The following KCND3 variants were observed in gnomAD, a reference collection of about 807,000 sequenced individuals.
KCND3 encodes potassium voltage-gated channel subfamily D member 3, also known as A-type voltage-gated potassium channel KCND3.
KCND3 carries 9 observed loss-of-function variants against 51.1 expected under a neutral mutation model. The observed-to-expected ratio is 0.18, with a 90% confidence interval of 0.11 to 0.31. The LOEUF (loss-of-function observed/expected upper bound fraction) is 0.31. Among genes scored for constraint, KCND3 ranks in the 10% least tolerant of loss-of-function variants. The pLI is 1.00. For synonymous variants in KCND3, 349 were observed against 368.0 expected (o/e 0.95, Z 0.59); for missense variants, 526 against 903.8 (o/e 0.58, Z 5.36).
At position 111,777,316 on chromosome 1, in the gene KCND3, G is replaced by T. The variant is rs114178167; in HGVS notation, c.1519-43C>A. 1.7e-3 allele frequency: 2,737 copies of T among 1,603,992 alleles called. 27 individuals are homozygous for T. In the African/African-American group the frequency reaches 0.033, roughly 19 times the overall value. On this transcript the variant is annotated intron_variant, in intron 6 of 7. Transcript: ENST00000302127. ...AGAAGAAGTAGGAAAAGGAGGTAGGGAGGAGAGAGGTAAGCCCCTATACTC... is the reference window on the plus strand; with the variant it reads ...AGAAGAAGTAGGAAAAGGAGGTAGGTAGGAGAGAGGTAAGCCCCTATACTC...
intron 2 of KCND3, among the ~76,000 whole-genome samples, chr1:111,838,340 TATGG>T (rs1667162693): frequency 6.6e-6 from 1 of 152,240 alleles, no homozygotes; most frequent in Non-Finnish European, 1.5e-5. Context: ...AGGTATGTGC[TATGG>T]ATGCCTCCAT....
intron 2 of KCND3, among the ~76,000 whole-genome samples, chr1:111,867,521 C>T (rs1387151629): frequency 6.6e-6 from 1 of 152,186 alleles, no homozygotes; most frequent in Non-Finnish European, 1.5e-5. Flanking sequence ...GCTTTTAGAG[C>T]ATCCCTTTCC....
At chr1:111,816,863 C>T (rs1666112703) in intron 2 of KCND3, among the ~76,000 whole-genome samples, 1 of 152,222 alleles carries the variant, frequency 6.6e-6, no homozygotes, top group Middle Eastern at 3.2e-3. Context: ...ATCCCAACTA[C>T]ATGCACTCAC....
chr1:111,810,219 T>C (rs1665787595), intron 2 of KCND3, among the ~76,000 whole-genome samples: 1 of 152,238 alleles, frequency 6.6e-6, no homozygotes. Flanking sequence ...TTCTGGCTTT[T>C]ATGTCCCTTC....
intron 2 of KCND3, among the ~76,000 whole-genome samples, chr1:111,824,261 A>G (rs1248608609): frequency 6.6e-6 from 1 of 152,222 alleles, no homozygotes; most frequent in Non-Finnish European, 1.5e-5. Context: ...AAGGGCCGGT[A>G]GTTGAAGCAG....
intron 2 of KCND3, among the ~76,000 whole-genome samples, chr1:111,881,138 T>G (rs1669287315): frequency 6.6e-6 from 1 of 152,216 alleles, no homozygotes; most frequent in African/African-American, 2.4e-5. Flanking sequence ...GTTGAGGACA[T>G]TACATATTTG....
chr1:111,871,965 G>C (rs1398084528), intron 2 of KCND3, among the ~76,000 whole-genome samples: 1 of 152,124 alleles, frequency 6.6e-6, no homozygotes, highest in Non-Finnish European at 1.5e-5. Flanking sequence ...CTGGATTTGG[G>C]GCCTGAGAAA....
intron 2 of KCND3, among the ~76,000 whole-genome samples, chr1:111,966,868 T>C (rs1419447307): frequency 6.6e-6 from 1 of 152,128 alleles, no homozygotes; most frequent in Non-Finnish European, 1.5e-5. Context: ...TCATGGGGCA[T>C]GGTTGCTCAT....
rs1318670 is a variant in KCND3, at chr1:111,835,021, G to A, written c.1107-47915C>T. 0.54 allele frequency among the ~76,000 whole-genome samples: 82,367 copies of A among 152,050 alleles called. 22,798 individuals are homozygous for A. Among genetic ancestry groups the A allele is most frequent in the Non-Finnish European group, 0.6 (40,951 of 67,964 alleles). ...CCTGGATCCCTGGGGCTTGGAGGGTGCTCAGTGCCTCTAAGAGTTAAGCTG... is the reference window on the plus strand; with the variant it reads ...CCTGGATCCCTGGGGCTTGGAGGGTACTCAGTGCCTCTAAGAGTTAAGCTG... On this transcript the variant is annotated intron_variant, in intron 2 of 7. Coordinates refer to ENST00000302127, the MANE Select transcript of KCND3 (RefSeq NM_001378969.1).
rs547757538 is a variant in KCND3, at chr1:111,880,882, G to A, written c.1107-93776C>T. Reference sequence around the variant, plus strand: ...TTATTCCAAATGTAAAGAATGAACCGTTTTTTTTAATAAAGGAAGCTCTCG... The same window carrying A: ...TTATTCCAAATGTAAAGAATGAACCATTTTTTTTAATAAAGGAAGCTCTCG... On this transcript the variant is annotated intron_variant, in intron 2 of 7. Transcript: ENST00000302127. Among the ~76,000 whole-genome samples the A allele has an allele frequency of 3.3e-5, 5 of 151,848 alleles. No individual in the cohort carries two copies. In the East Asian group the frequency reaches 5.8e-4, roughly 18 times the overall value.
At chr1:111,933,442 A>AG (rs988381525) in intron 2 of KCND3, among the ~76,000 whole-genome samples, 3 of 152,236 alleles carry the variant, frequency 2.0e-5, no homozygotes, top group Non-Finnish European at 4.4e-5. Context: ...CAGAGTCCAG[A>AG]GAAAAACTTA....
At chr1:111,926,795 C>T (rs750834975) in intron 2 of KCND3, among the ~76,000 whole-genome samples, 2 of 152,264 alleles carry the variant, frequency 1.3e-5, no homozygotes, top group African/African-American at 4.8e-5. Context: ...GGCAGCTGCG[C>T]GCACCTCACT....
At chr1:111,940,762 G>A (rs2101885075) in intron 2 of KCND3, among the ~76,000 whole-genome samples, 1 of 152,224 alleles carries the variant, frequency 6.6e-6, no homozygotes, top group Non-Finnish European at 1.5e-5. Context: ...AAGTGCCAAC[G>A]GTCCACTGCA....
At chr1:111,909,611 A>T (rs1214641017) in intron 2 of KCND3, 3 of 152,148 alleles carry the variant, frequency 2.0e-5, no homozygotes, top group African/African-American at 7.2e-5. Context: ...AGATTATAGA[A>T]CCTAGTGTCA....
At chr1:111,849,151 T>C (rs1265205068) in intron 2 of KCND3, among the ~76,000 whole-genome samples, 1 of 152,190 alleles carries the variant, frequency 6.6e-6, no homozygotes, top group African/African-American at 2.4e-5. Context: ...TGGTGGTGTA[T>C]TGATTGGGCC....
In KCND3 at chr1:111,780,695, G is replaced by T. The variant is rs1664340423; in HGVS notation, c.1366C>A (p.Leu456Met). The change falls in exon 4 of 8, where the codon CTG (leucine) becomes ATG (methionine). Residue 456 changes from leucine (L) to methionine (M), a missense_variant. Coordinates refer to ENST00000302127, the MANE Select transcript of KCND3 (RefSeq NM_001378969.1). The surrounding 1 kb of genome is among the most constrained non-coding windows in gnomAD (Gnocchi z 4.2). ...CAGGTCCTCTAGGCACCTACCGTCA[G>T]CTCCAGCGCCTCGTTGAGGAGCCCG... ...RNGLLNEALE[L>M]TGTPEEEHMG... is the part of the protein sequence containing the mutation. 1 of 1,608,976 alleles carries T rather than the reference G, an allele frequency of 6.2e-7. No homozygotes were observed. The highest frequency in any genetic ancestry group is 1.7e-5 in the Admixed American group (1 of 59,480).
At chr1:111,802,750 C>A (rs1465340909) in intron 2 of KCND3, among the ~76,000 whole-genome samples, 3 of 152,184 alleles carry the variant, frequency 2.0e-5, no homozygotes, top group African/African-American at 4.8e-5. Context: ...GGCCTCTAAC[C>A]TCATGTTGGG....
chr1:111,959,868 C>T (rs1673543423), intron 2 of KCND3, among the ~76,000 whole-genome samples: 1 of 152,064 alleles, frequency 6.6e-6, no homozygotes, highest in Admixed American at 6.5e-5. Context: ...TTCCCGTAAT[C>T]CCCATATGTT....
At chr1:111,891,066 G>A (rs192181360) in intron 2 of KCND3, among the ~76,000 whole-genome samples, 131 of 152,332 alleles carry the variant, frequency 8.6e-4, no homozygotes, top group Admixed American at 1.8e-3. Context: ...CCAGGGGTCA[G>A]AAACCAGCTC....
Sources: allele counts gnomAD v4.1 joint callset (sites outside exome capture counted in the v4.1 genomes callset), GRCh38; gene constraint gnomAD v4.1.1; non-coding constraint Gnocchi (gnomAD v3.1); transcripts MANE v1.5; gene names NCBI Gene and HGNC (gene_info 2026-07-23, HGNC 2026-07-21).